Variants in DPP10 observed in about 807,000 individuals in gnomAD.
DPP10 encodes inactive dipeptidyl peptidase 10.
Under a neutral mutation model 120.9 loss-of-function variants are expected in DPP10, and 33 were observed. The observed-to-expected ratio is 0.27, with a 90% CI of 0.21 to 0.37. The LOEUF is 0.37. DPP10 is among the 10% of genes least tolerant of loss of function. The pLI is 1.00. For missense variants in DPP10, 816 were observed against 942.8 expected (o/e 0.87, Z 1.76); for synonymous variants, 337 against 326.1 (o/e 1.03, Z -0.36).
chr2:114,720,918 A>G (rs758733004), intron 1 of DPP10, among the ~76,000 whole-genome samples: 27 of 152,224 alleles, frequency 1.8e-4, no homozygotes, highest in Non-Finnish European at 3.1e-4. Flanking sequence ...TGAAGCTGCA[A>G]GATGGAGAAT....
chr2:115,110,841 T>G (rs2049180071), intron 1 of DPP10, among the ~76,000 whole-genome samples: 1 of 152,194 alleles, frequency 6.6e-6, no homozygotes, highest in South Asian at 2.1e-4. Context: ...TTTAATGACA[T>G]AGTGACTTAC....
At chr2:114,869,899 G>C (rs1039294078) in intron 1 of DPP10, among the ~76,000 whole-genome samples, 4 of 152,048 alleles carry the variant, frequency 2.6e-5, no homozygotes, top group African/African-American at 9.7e-5. Flanking sequence ...GTATGGACTT[G>C]GGCAACTTAT....
chr2:115,106,944 A>T (rs62164535), intron 1 of DPP10, among the ~76,000 whole-genome samples: 9 of 151,444 alleles, frequency 5.9e-5, no homozygotes, highest in Non-Finnish European at 1.2e-4. Flanking sequence ...GCGTGGTGGC[A>T]GGTGCCTGTA....
intron 1 of DPP10, among the ~76,000 whole-genome samples, chr2:115,067,419 T>G (rs1288984578): frequency 6.6e-6 from 1 of 150,796 alleles, no homozygotes; most frequent in Non-Finnish European, 1.5e-5. Flanking sequence ...GCCCGGCTAA[T>G]TTTTTGTATT....
At chr2:115,649,113 G>T (rs932307287) in intron 5 of DPP10, among the ~76,000 whole-genome samples, 1 of 152,080 alleles carries the variant, frequency 6.6e-6, no homozygotes, top group African/African-American at 2.4e-5. Flanking sequence ...AAAAGGAGAG[G>T]AAATAGATAG....
intron 5 of DPP10, among the ~76,000 whole-genome samples, chr2:115,585,993 T>C (rs938019790): frequency 2.6e-5 from 4 of 152,208 alleles, no homozygotes; most frequent in Non-Finnish European, 5.9e-5. Flanking sequence ...CTTTTTGATA[T>C]GTATTTGGAG....
intron 5 of DPP10, among the ~76,000 whole-genome samples, chr2:115,654,389 G>T (rs1166680679): frequency 6.6e-6 from 1 of 151,670 alleles, no homozygotes; most frequent in Non-Finnish European, 1.5e-5. Context: ...TAAAATACTG[G>T]AATGTCAATA....
intron 1 of DPP10, among the ~76,000 whole-genome samples, chr2:115,014,245 C>T (rs1420100204): frequency 6.6e-6 from 1 of 152,100 alleles, no homozygotes; most frequent in Non-Finnish European, 1.5e-5. Flanking sequence ...TGAATGACTA[C>T]TGGGTAATTA....
At chr2:114,974,153 G>A (rs1414306788) in intron 1 of DPP10, among the ~76,000 whole-genome samples, 1 of 152,174 alleles carries the variant, frequency 6.6e-6, no homozygotes, top group Non-Finnish European at 1.5e-5. Flanking sequence ...GCTTACAGCA[G>A]TGAACAGTAA....
intron 21 of DPP10, among the ~76,000 whole-genome samples, chr2:115,833,341 A>G (rs998663788): frequency 6.6e-6 from 1 of 152,202 alleles, no homozygotes; most frequent in Middle Eastern, 3.2e-3. Context: ...TGCATGCATC[A>G]GCTAAGATGT....
chr2:114,635,691 A>G (rs577019432), intron 1 of DPP10, among the ~76,000 whole-genome samples: 1 of 152,006 alleles, frequency 6.6e-6, no homozygotes, highest in South Asian at 2.1e-4. Context: ...TTATCTCAAA[A>G]TCTTTATACC....
chr2:115,830,309 A>T (rs557599777), intron 21 of DPP10, among the ~76,000 whole-genome samples: 2 of 150,886 alleles, frequency 1.3e-5, no homozygotes, highest in Non-Finnish European at 3.0e-5. Flanking sequence ...AGTGAGCCCA[A>T]TTCCCACCAC....
chr2:114,856,399 T>A (rs1689368589), intron 1 of DPP10, among the ~76,000 whole-genome samples: 1 of 152,226 alleles, frequency 6.6e-6, no homozygotes, highest in Admixed American at 6.5e-5. Flanking sequence ...ACTTCATTTC[T>A]AAGTTTACGT....
chr2:115,454,871 C>T (rs1375741889), intron 3 of DPP10, among the ~76,000 whole-genome samples: 1 of 151,320 alleles, frequency 6.6e-6, no homozygotes, highest in African/African-American at 2.4e-5. Context: ...ACAAATTTAC[C>T]AATGTCATAG....
chr2:114,507,804 G>T lies in DPP10; in HGVS notation c.60+64966G>T, dbSNP rs544982005. The stretch of plus-strand genomic sequence containing the variant: ...AAGTGGGAATAATAACCCCTACTCT[G>T]CAGGGTTGCTATAAGAATTAAATTC... On this transcript the variant is annotated intron_variant, in intron 1 of 25. Coordinates refer to ENST00000410059, the MANE Select transcript of DPP10 (RefSeq NM_020868.6). Among the ~76,000 whole-genome samples the T allele has an allele frequency of 3.3e-5, 5 of 152,262 alleles. No homozygotes were observed. In the South Asian group the frequency reaches 6.2e-4, roughly 19 times the overall value.
intron 1 of DPP10, among the ~76,000 whole-genome samples, chr2:114,912,259 G>C (rs191117156): frequency 2.7e-4 from 41 of 152,194 alleles, no homozygotes; most frequent in African/African-American, 8.7e-4. Context: ...CAGGGGAGGA[G>C]TGAGGACAAC....
chr2:115,727,571 T>C (rs2092795931), intron 7 of DPP10, among the ~76,000 whole-genome samples: 1 of 152,088 alleles, frequency 6.6e-6, no homozygotes, highest in Admixed American at 6.5e-5. Flanking sequence ...TTGCTGAAAA[T>C]ATGGATTTAA....
At chr2:114,587,505 A>G (rs1370507244) in intron 1 of DPP10, among the ~76,000 whole-genome samples, 1 of 151,860 alleles carries the variant, frequency 6.6e-6, no homozygotes, top group Non-Finnish European at 1.5e-5. Flanking sequence ...TCAGTTATCT[A>G]AGTCATATTT....
intron 12 of DPP10, 21 bp from the exon 13 acceptor site, chr2:115,768,276 C>T (rs1681039114): frequency 6.2e-7 from 1 of 1,607,412 alleles, no homozygotes. Flanking sequence ...TGAGATTGTT[C>T]TGTGCTCTTC....
Sources: gnomAD v4.1 joint callset for allele counts (sites outside exome capture counted in the v4.1 genomes callset) on GRCh38, gnomAD v4.1.1 for gene constraint, MANE v1.5 for transcripts, NCBI Gene and HGNC (gene_info 2026-07-23, HGNC 2026-07-21) for gene names.